Variants in PABPC4L observed in about 807,000 individuals in gnomAD.
PABPC4L encodes polyadenylate-binding protein 4-like.
For missense variants in PABPC4L, 452 were observed against 451.4 expected (o/e 1.00, Z -0.01); for synonymous variants, 169 against 164.1 (o/e 1.03, Z -0.23).
At chr4:134,002,255 G>C in the PABPC4L span, among the ~76,000 whole-genome samples, 1 of 151,764 alleles carries the variant, frequency 6.6e-6, no homozygotes, top group Admixed American at 6.6e-5. Flanking sequence ...GGGGAAATTT[G>C]AAGATATTTG....
chr4:134,022,344 A>C, the PABPC4L span, among the ~76,000 whole-genome samples: 1 of 152,086 alleles, frequency 6.6e-6, no homozygotes, highest in Non-Finnish European at 1.5e-5. Context: ...AACATCCCCA[A>C]AATCTTCAGT....
chr4:134,165,980 C>T, the PABPC4L span, among the ~76,000 whole-genome samples: 327 of 152,172 alleles, frequency 2.1e-3, 4 homozygotes, highest in Non-Finnish European at 3.5e-3. Context: ...TTTGTAGCAA[C>T]TTGGATGGAG....
At chr4:134,007,333 T>C in the PABPC4L span, among the ~76,000 whole-genome samples, 1 of 151,756 alleles carries the variant, frequency 6.6e-6, no homozygotes, top group African/African-American at 2.4e-5. Flanking sequence ...CATAAAATAT[T>C]ACTTTTTCAA....
chr4:134,010,956 G>A, the PABPC4L span, among the ~76,000 whole-genome samples: 4 of 152,026 alleles, frequency 2.6e-5, no homozygotes, highest in Non-Finnish European at 5.9e-5. Flanking sequence ...TTGAAGAATA[G>A]AATATTATTT....
At chr4:134,166,413 T>C in the PABPC4L span, among the ~76,000 whole-genome samples, 2 of 152,162 alleles carry the variant, frequency 1.3e-5, no homozygotes, top group Non-Finnish European at 2.9e-5. Flanking sequence ...GGTTTCCCCA[T>C]CTTGACCAGT....
the PABPC4L span, among the ~76,000 whole-genome samples, chr4:134,121,419 T>A: frequency 1.3e-5 from 2 of 151,750 alleles, no homozygotes; most frequent in Non-Finnish European, 3.0e-5. Context: ...CCAGAAGAGA[T>A]ACAATTTTTA....
chr4:134,066,211 T>C, the PABPC4L span, among the ~76,000 whole-genome samples: 2 of 151,972 alleles, frequency 1.3e-5, no homozygotes, highest in Non-Finnish European at 2.9e-5. Flanking sequence ...TCATGTCATC[T>C]ATGATTTCTT....
At chr4:134,073,240 A>T in the PABPC4L span, among the ~76,000 whole-genome samples, 1 of 152,224 alleles carries the variant, frequency 6.6e-6, no homozygotes, top group Admixed American at 6.5e-5. Flanking sequence ...GGCATTGGGT[A>T]AATACACCTG....
chr4:134,009,991 T>C, the PABPC4L span, among the ~76,000 whole-genome samples: 1 of 151,934 alleles, frequency 6.6e-6, no homozygotes, highest in African/African-American at 2.4e-5. Context: ...GAAGCTCAGC[T>C]AATGACGGTA....
At chr4:134,177,332 T>A in the PABPC4L span, among the ~76,000 whole-genome samples, 23 of 151,904 alleles carry the variant, frequency 1.5e-4, no homozygotes, top group African/African-American at 5.1e-4. Flanking sequence ...CATGCCACCA[T>A]GCCCAACTAA....
At chr4:133,963,505 T>C in the PABPC4L span, among the ~76,000 whole-genome samples, 1 of 152,030 alleles carries the variant, frequency 6.6e-6, no homozygotes, top group Non-Finnish European at 1.5e-5. Context: ...AAGAGATATA[T>C]ACAGAACATT....
At chr4:133,958,369 C>G in the PABPC4L span, among the ~76,000 whole-genome samples, 1 of 152,270 alleles carries the variant, frequency 6.6e-6, no homozygotes, top group South Asian at 2.1e-4. Flanking sequence ...GCATTTTGGT[C>G]AAAGCCACCC....
At chr4:134,006,392 G>A in the PABPC4L span, among the ~76,000 whole-genome samples, 1 of 151,778 alleles carries the variant, frequency 6.6e-6, no homozygotes, top group Non-Finnish European at 1.5e-5. Flanking sequence ...ACCTCATATG[G>A]TAGCTATAAG....
At chr4:134,186,320 T>G in the PABPC4L span, among the ~76,000 whole-genome samples, 1 of 152,166 alleles carries the variant, frequency 6.6e-6, no homozygotes, top group Non-Finnish European at 1.5e-5. Flanking sequence ...CAAAACAGCA[T>G]GGTACTGGTA....
At chr4:134,124,936 C>T in the PABPC4L span, among the ~76,000 whole-genome samples, 2 of 152,130 alleles carry the variant, frequency 1.3e-5, no homozygotes, top group South Asian at 4.2e-4. Context: ...TAAAGGCATT[C>T]CCAATAACTG....
the PABPC4L span, among the ~76,000 whole-genome samples, chr4:134,077,298 G>A: frequency 6.6e-6 from 1 of 152,002 alleles, no homozygotes; most frequent in African/African-American, 2.4e-5. Flanking sequence ...ATAAATATAG[G>A]CAATCTGGGC....
At chr4:134,110,645 T>C in the PABPC4L span, among the ~76,000 whole-genome samples, 1 of 151,452 alleles carries the variant, frequency 6.6e-6, no homozygotes, top group Admixed American at 6.6e-5. Flanking sequence ...TAGGACCTTC[T>C]GTGGATACCA....
At chr4:133,974,436 A>G in the PABPC4L span, among the ~76,000 whole-genome samples, 1 of 152,124 alleles carries the variant, frequency 6.6e-6, no homozygotes, top group Non-Finnish European at 1.5e-5. Context: ...CATAGCGTTA[A>G]ATATTCTTGA....
At chr4:134,046,461 G>T in the PABPC4L span, among the ~76,000 whole-genome samples, 2 of 151,970 alleles carry the variant, frequency 1.3e-5, no homozygotes, top group Non-Finnish European at 2.9e-5. Flanking sequence ...GTTTTACACC[G>T]AGACATTCCC....
Sources: gnomAD v4.1 joint callset for allele counts (sites outside exome capture counted in the v4.1 genomes callset) on GRCh38, gnomAD v4.1.1 for gene constraint, MANE v1.5 for transcripts, NCBI Gene and HGNC (gene_info 2026-07-23, HGNC 2026-07-21) for gene names.